Variants in EYS observed in about 807,000 individuals in gnomAD.
EYS encodes the protein protein eyes shut homolog.
Under a neutral mutation model 282.1 loss-of-function variants are expected in EYS, and 250 were observed. That is an observed-to-expected ratio of 0.89 (90% CI 0.80 to 0.98). The LOEUF (loss-of-function observed/expected upper bound fraction) is 0.98. EYS is among the 50% of genes least tolerant of loss of function. The pLI is 0.00. For synonymous variants in EYS, 1,355 were observed against 1,282.9 expected, an observed-to-expected ratio of 1.06 and a Z score of -1.20; for missense variants, 4,016 against 3,709.0, an observed-to-expected ratio of 1.08 and a Z score of -2.15.
intron 26 of EYS, among the ~76,000 whole-genome samples, chr6:64,536,431 A>G (rs1764520412): frequency 6.6e-6 from 1 of 152,198 alleles, no homozygotes; most frequent in Non-Finnish European, 1.5e-5. Context: ...GACGACAATT[A>G]CAGGTACTCT....
intron 26 of EYS, among the ~76,000 whole-genome samples, chr6:64,553,034 A>T (rs937499829): frequency 6.6e-6 from 1 of 151,324 alleles, no homozygotes; most frequent in Non-Finnish European, 1.5e-5. Context: ...GATTCAATCA[A>T]TGTACATCTT....
chr6:65,500,706 T>A (rs1469902940), intron 2 of EYS, among the ~76,000 whole-genome samples: 1 of 152,026 alleles, frequency 6.6e-6, no homozygotes, highest in Admixed American at 6.6e-5. Context: ...AGTATCCTTT[T>A]TGAAGAAGAA....
chr6:64,002,083 G>A (rs538449984), intron 33 of EYS, among the ~76,000 whole-genome samples: 8 of 152,298 alleles, frequency 5.3e-5, no homozygotes, highest in African/African-American at 1.9e-4. Flanking sequence ...GCTGATTGTC[G>A]ACACCAGCAG....
chr6:65,133,732 CCAAAAGCAATTGCAA>C (rs1775946534), intron 12 of EYS, among the ~76,000 whole-genome samples: 1 of 151,730 alleles, frequency 6.6e-6, no homozygotes, highest in African/African-American at 2.4e-5. Context: ...AGATGAAGAC[CCAAAAGCAATTGCAA>C]CAAAAGCAAA....
chr6:65,199,134 A>AC (rs1045879499), intron 12 of EYS, among the ~76,000 whole-genome samples: 7 of 152,254 alleles, frequency 4.6e-5, no homozygotes, highest in Admixed American at 2.6e-4. Context: ...TCTGAGATCT[A>AC]CCCCAATGAG....
At chr6:65,305,299 T>C (rs1768972608) in intron 11 of EYS, among the ~76,000 whole-genome samples, 1 of 152,228 alleles carries the variant, frequency 6.6e-6, no homozygotes, top group Non-Finnish European at 1.5e-5. Flanking sequence ...TTTGGCTTTT[T>C]TCTCCTTTGT....
chr6:65,640,859 C>A (rs1027425993), intron 1 of EYS, among the ~76,000 whole-genome samples: 1 of 151,924 alleles, frequency 6.6e-6, no homozygotes, highest in Non-Finnish European at 1.5e-5. Flanking sequence ...CTGTCATTGA[C>A]CATTTCTGAA....
intron 31 of EYS, among the ~76,000 whole-genome samples, chr6:64,091,058 C>T (rs1203160156): frequency 6.6e-6 from 1 of 152,102 alleles, no homozygotes; most frequent in African/African-American, 2.4e-5. Flanking sequence ...TGCCTGATTC[C>T]CTAATTACCC....
intron 22 of EYS, 130 bp downstream of exon 22, chr6:64,813,248 G>C (rs1037410403): frequency 1.7e-6 from 1 of 588,400 alleles, no homozygotes; most frequent in Non-Finnish European, 2.8e-6. Flanking sequence ...TCTAAGTTGT[G>C]CTTATATATA....
At chr6:64,499,198 G>T (rs995075621) in intron 26 of EYS, among the ~76,000 whole-genome samples, 1 of 152,050 alleles carries the variant, frequency 6.6e-6, no homozygotes, top group Non-Finnish European at 1.5e-5. Flanking sequence ...ATCAAAATAA[G>T]CATAGAAGAT....
chr6:64,867,843 G>A (rs2150052190), intron 19 of EYS, among the ~76,000 whole-genome samples: 1 of 151,600 alleles, frequency 6.6e-6, no homozygotes, highest in Middle Eastern at 3.5e-3. Context: ...GTAATTATTT[G>A]TGTATATTTC....
At chr6:65,368,502 T>C (rs1765007613) in intron 8 of EYS, among the ~76,000 whole-genome samples, 1 of 151,646 alleles carries the variant, frequency 6.6e-6, no homozygotes, top group Admixed American at 6.7e-5. Context: ...AAAATAAAGT[T>C]TCTACCACTT....
intron 1 of EYS, among the ~76,000 whole-genome samples, chr6:65,669,434 T>A (rs1768309066): frequency 6.6e-6 from 1 of 151,874 alleles, no homozygotes; most frequent in Non-Finnish European, 1.5e-5. Context: ...TGTAATAGGG[T>A]TTCTGGCCTC....
chr6:64,884,481 CCTTGCAGTGT>C (rs1767023283), intron 19 of EYS, among the ~76,000 whole-genome samples: 1 of 151,052 alleles, frequency 6.6e-6, no homozygotes, highest in Admixed American at 6.6e-5. Flanking sequence ...TTAAGTAAAA[CCTTGCAGTGT>C]CATGACTCTC....
At chr6:65,090,358 C>T (rs1429493410) in intron 12 of EYS, among the ~76,000 whole-genome samples, 1 of 152,118 alleles carries the variant, frequency 6.6e-6, no homozygotes, top group South Asian at 2.1e-4. Flanking sequence ...TCACCTTCCA[C>T]CATAATTGTA....
At chr6:64,682,108 G>T (rs1354038936) in intron 22 of EYS, among the ~76,000 whole-genome samples, 2 of 152,128 alleles carry the variant, frequency 1.3e-5, no homozygotes, top group Non-Finnish European at 2.9e-5. Flanking sequence ...TTAAGGAAAA[G>T]AATAAATTTC....
At position 65,490,723 on chromosome 6, in the gene EYS, A is replaced by C; in HGVS notation, c.749-16T>G. ...CAATTCTTTCCTATAACAATGAAAA[A>C]AAGTTTTTTTTACATTGGATATCAA... On this transcript the variant is annotated splice_polypyrimidine_tract_variant and intron_variant, in intron 4 of 42. Coordinates refer to ENST00000503581, the MANE Select transcript of EYS (RefSeq NM_001142800.2). The C allele has an allele frequency of 6.4e-7, 1 of 1,558,788 alleles. No homozygotes were observed. Among genetic ancestry groups the C allele is most frequent in the Non-Finnish European group, 8.8e-7 (1 of 1,131,070 alleles).
At chr6:65,528,153 G>A (rs1767638299) in intron 2 of EYS, among the ~76,000 whole-genome samples, 1 of 152,126 alleles carries the variant, frequency 6.6e-6, no homozygotes, top group African/African-American at 2.4e-5. Flanking sequence ...GAAAATAAAG[G>A]TGAAAGTAGA....
At chr6:63,728,423 A>AT (rs78235227) in intron 41 of EYS, among the ~76,000 whole-genome samples, 5,028 of 152,144 alleles carry the variant, frequency 0.033, 142 homozygotes, top group South Asian at 0.11. Context: ...AGTACACTTT[A>AT]TTTTTTCAGA....
Sources: allele counts gnomAD v4.1 joint callset (sites outside exome capture counted in the v4.1 genomes callset), GRCh38; gene constraint gnomAD v4.1.1; transcripts MANE v1.5; gene names NCBI Gene and HGNC (gene_info 2026-07-23, HGNC 2026-07-21).